CTNNA2: variants seen among roughly 807,000 people sequenced by gnomAD.
The protein encoded by CTNNA2 is catenin alpha 2.
In CTNNA2, 42 loss-of-function variants were observed where a neutral mutation model predicts 101.0. The ratio of observed to expected loss-of-function variants is 0.42; its 90% CI spans 0.32 to 0.54. The LOEUF (loss-of-function observed/expected upper bound fraction) is 0.54, where lower values mean the gene tolerates loss of function less well. Among genes scored for constraint, CTNNA2 ranks in the 20% least tolerant of loss-of-function variants. CTNNA2 has a pLI of 0.14. For synonymous variants in CTNNA2, 450 were observed against 456.4 expected, an observed-to-expected ratio of 0.99 and a Z score of 0.18; for missense variants, 871 against 1,223.1, an observed-to-expected ratio of 0.71 and a Z score of 4.29.
At chr2:80,176,555 G>GT (rs370847409) in intron 7 of CTNNA2, among the ~76,000 whole-genome samples, 1 of 152,156 alleles carries the variant, frequency 6.6e-6, no homozygotes, top group Non-Finnish European at 1.5e-5. Flanking sequence ...GCAGGTCGTG[G>GT]TTTTTTTACC....
chr2:80,443,003 T>C (rs1682725539), intron 9 of CTNNA2, among the ~76,000 whole-genome samples: 1 of 152,206 alleles, frequency 6.6e-6, no homozygotes, highest in Non-Finnish European at 1.5e-5. Context: ...CTGAAGCTCA[T>C]GCTTTTTCCT....
intron 2 of CTNNA2, among the ~76,000 whole-genome samples, chr2:79,270,810 AT>A: frequency 6.6e-6 from 1 of 151,956 alleles, no homozygotes; most frequent in South Asian, 2.1e-4. Flanking sequence ...ATAAAAGAAC[AT>A]GTGTTCCATT....
chr2:80,317,530 C>T (rs935218542), intron 7 of CTNNA2, among the ~76,000 whole-genome samples: 1 of 152,126 alleles, frequency 6.6e-6, no homozygotes, highest in Non-Finnish European at 1.5e-5. Context: ...AACTTTTTAA[C>T]TCTGTAAAAG....
intron 4 of CTNNA2, among the ~76,000 whole-genome samples, chr2:79,439,379 A>G (rs1419887304): frequency 6.6e-6 from 1 of 152,194 alleles, no homozygotes; most frequent in Non-Finnish European, 1.5e-5. Flanking sequence ...ATCCATAGAA[A>G]CAGAAAGTGG....
At chr2:79,601,685 G>A (rs1677561470) in intron 1 of CTNNA2, among the ~76,000 whole-genome samples, 1 of 152,224 alleles carries the variant, frequency 6.6e-6, no homozygotes, top group South Asian at 2.1e-4. Context: ...CATAACACTG[G>A]TAAAATACAG....
chr2:80,240,459 G>A (rs960699358), intron 7 of CTNNA2, among the ~76,000 whole-genome samples: 5 of 152,114 alleles, frequency 3.3e-5, no homozygotes, highest in Admixed American at 6.6e-5. Context: ...TATGTGCACC[G>A]TAGTCCCACT....
chr2:79,841,730 G>A (rs1348994745), intron 3 of CTNNA2, among the ~76,000 whole-genome samples: 1 of 152,134 alleles, frequency 6.6e-6, no homozygotes, highest in Non-Finnish European at 1.5e-5. Context: ...TCTTAATGAA[G>A]AAACATTAAC....
intron 9 of CTNNA2, among the ~76,000 whole-genome samples, chr2:80,458,664 T>C (rs971265264): frequency 9.2e-5 from 14 of 152,158 alleles, no homozygotes; most frequent in African/African-American, 2.7e-4. Flanking sequence ...CACTGACCCT[T>C]CTCCTGTTTG....
intron 7 of CTNNA2, among the ~76,000 whole-genome samples, chr2:80,018,880 C>T (rs565197426): frequency 2.3e-4 from 35 of 151,642 alleles, no homozygotes; most frequent in Admixed American, 5.3e-4. Flanking sequence ...ATTCTGAAAG[C>T]GAAAGAGTAG....
intron 3 of CTNNA2, among the ~76,000 whole-genome samples, chr2:79,357,445 C>A (rs1164121586): frequency 6.6e-6 from 1 of 151,942 alleles, no homozygotes; most frequent in East Asian, 1.9e-4. Flanking sequence ...TCACAGAAAG[C>A]AAATTATTGA....
intron 7 of CTNNA2, among the ~76,000 whole-genome samples, chr2:80,370,254 G>A (rs1047882878): frequency 1.2e-5 from 1 of 82,400 alleles, no homozygotes; most frequent in Non-Finnish European, 2.5e-5. Flanking sequence ...TATTTGAGTG[G>A]TGTGTGTGTG....
At chr2:80,099,153 C>T (rs551153525) in intron 7 of CTNNA2, among the ~76,000 whole-genome samples, 1 of 151,910 alleles carries the variant, frequency 6.6e-6, no homozygotes, top group Non-Finnish European at 1.5e-5. Flanking sequence ...GACTCCACCC[C>T]CCGAATTGTT....
chr2:80,577,774 T>C (rs1291914213), intron 13 of CTNNA2, among the ~76,000 whole-genome samples: 5 of 145,362 alleles, frequency 3.4e-5, no homozygotes, highest in Middle Eastern at 3.2e-3. Flanking sequence ...TTGAGCTCTG[T>C]TGGGAAATCC....
intron 13 of CTNNA2, among the ~76,000 whole-genome samples, chr2:80,576,706 G>A (rs1298320142): frequency 6.7e-6 from 1 of 149,364 alleles, no homozygotes. Flanking sequence ...ATTGTTTTTT[G>A]GGGGAGCCGA....
At chr2:80,477,547 T>C (rs1304253010) in intron 9 of CTNNA2, among the ~76,000 whole-genome samples, 2 of 152,230 alleles carry the variant, frequency 1.3e-5, no homozygotes, top group African/African-American at 2.4e-5. Context: ...TTCGTTATAC[T>C]ACTCTATATG....
chr2:79,242,967 G>A (rs901791852), intron 2 of CTNNA2, among the ~76,000 whole-genome samples: 4 of 66,738 alleles, frequency 6.0e-5, no homozygotes, highest in African/African-American at 1.6e-4. Context: ...ATCCTGTCTC[G>A]AAATATATAT....
At chr2:79,408,411 G>A (rs796093079) in intron 4 of CTNNA2, among the ~76,000 whole-genome samples, 9 of 150,450 alleles carry the variant, frequency 6.0e-5, no homozygotes, top group South Asian at 2.1e-4. Context: ...CCATTAACTC[G>A]TCATTTAGCA....
chr2:79,303,114 G>T (rs1558615516), intron 2 of CTNNA2, among the ~76,000 whole-genome samples: 1 of 152,096 alleles, frequency 6.6e-6, no homozygotes, highest in Non-Finnish European at 1.5e-5. Context: ...TCAGTTTACA[G>T]TCCAAGAACA....
chr2:79,856,512 A>G (rs1681147150), intron 3 of CTNNA2, among the ~76,000 whole-genome samples: 1 of 152,216 alleles, frequency 6.6e-6, no homozygotes, highest in South Asian at 2.1e-4. Context: ...AAAATCTGTC[A>G]TATTAACTGT....
Sources: allele counts gnomAD v4.1 joint callset (sites outside exome capture counted in the v4.1 genomes callset), GRCh38; gene constraint gnomAD v4.1.1; transcripts MANE v1.5; gene names NCBI Gene and HGNC (gene_info 2026-07-23, HGNC 2026-07-21).